Variants in PKHD1 observed in about 807,000 individuals in gnomAD.
PKHD1 encodes fibrocystin.
A neutral mutation model predicts 412.0 loss-of-function variants in PKHD1; 291 were observed. The observed-to-expected ratio is 0.71, with a 90% CI of 0.64 to 0.78. The LOEUF is 0.78. Among genes scored for constraint, PKHD1 ranks in the 30% least tolerant of loss-of-function variants. The pLI, the probability that PKHD1 is intolerant of heterozygous loss-of-function variation, is 0.00. For missense variants in PKHD1, 4,825 were observed against 4,950.7 expected, an observed-to-expected ratio of 0.97 and a Z score of 0.76; for synonymous variants, 1,777 against 1,821.5, an observed-to-expected ratio of 0.98 and a Z score of 0.62.
At position 51,856,317 on chromosome 6, in the gene PKHD1, C is replaced by T. The variant is rs541302462; in HGVS notation, c.7734-247G>A. ...CTGGTGAACTGGAGGTGGTGACTCTCAGGTTTTTTATTTTGTTTGTTTTTT... is the reference window on the plus strand; with the variant it reads ...CTGGTGAACTGGAGGTGGTGACTCTTAGGTTTTTTATTTTGTTTGTTTTTT... On this transcript the variant is annotated intron_variant, in intron 48 of 66. Transcript: ENST00000371117. 7.8e-4 allele frequency among the ~76,000 whole-genome samples: 118 copies of T among 152,232 alleles called. 1 individual carries two copies. In the South Asian group the frequency reaches 0.024, roughly 31 times the overall value.
At position 51,911,883 on chromosome 6, in the gene PKHD1, T is replaced by C. The variant is rs746902402; in HGVS notation, c.6406A>G (p.Ser2136Gly). ...TTTCCTTGTATGGTAATACTCCTGC[T>C]GAGCAGAGCCACAGTGGCCTTTAAA... ...HILKATVALL[S>G]RSITIQGNLT... Residue 2136 changes from serine to glycine, a missense_variant, in exon 39 of 67, where the codon AGC becomes GGC. By Grantham distance (56) the Ser-to-Gly change is moderately conservative. Transcript: ENST00000371117. 2 of 1,611,904 alleles carry C rather than the reference T, an allele frequency of 1.2e-6. No homozygotes were observed. Among genetic ancestry groups the C allele is most frequent in the South Asian group, 2.2e-5 (2 of 91,058 alleles).
intron 60 of PKHD1, among the ~76,000 whole-genome samples, chr6:51,686,688 T>C (rs1777487413): frequency 6.6e-6 from 1 of 152,204 alleles, no homozygotes. Flanking sequence ...AGAGCAGGGT[T>C]ATTTGTCTAG....
chr6:51,808,446 GAAATTA>G (rs1764180705), intron 52 of PKHD1, among the ~76,000 whole-genome samples: 1 of 151,818 alleles, frequency 6.6e-6, no homozygotes, highest in Admixed American at 6.6e-5. Context: ...TTAAAAAATT[GAAATTA>G]AAATTAAAAG....
At chr6:51,960,115 T>TAA in intron 35 of PKHD1, 89 bp from the exon 36 acceptor site, 1 of 1,290,780 alleles carries the variant, frequency 7.7e-7, no homozygotes, top group Non-Finnish European at 1.1e-6. Context: ...TGTTGGTTTG[T>TAA]TGGTTCATTC....
chr6:52,083,327 G>A (rs1480132114), intron 2 of PKHD1, 72 bp from the exon 3 acceptor site: 4 of 999,616 alleles, frequency 4.0e-6, no homozygotes, highest in Non-Finnish European at 6.4e-6. Context: ...AATATTTTAA[G>A]CAATATTTAA....
intron 28 of PKHD1, among the ~76,000 whole-genome samples, chr6:52,034,705 C>T (rs1803656440): frequency 6.6e-6 from 1 of 151,996 alleles, no homozygotes; most frequent in African/African-American, 2.4e-5. Context: ...TGATTAAAGC[C>T]CTGTTGTTTA....
intron 51 of PKHD1, among the ~76,000 whole-genome samples, chr6:51,834,672 T>C (rs1212470886): frequency 5.9e-5 from 9 of 152,276 alleles, no homozygotes; most frequent in African/African-American, 2.2e-4. Flanking sequence ...AGATACTACA[T>C]ACATGAGAAT....
At chr6:52,005,598 A>G (rs548777620) in intron 35 of PKHD1, among the ~76,000 whole-genome samples, 1 of 152,264 alleles carries the variant, frequency 6.6e-6, no homozygotes, top group East Asian at 1.9e-4. Context: ...GCCCCACCTG[A>G]AGATGACCTT....
At chr6:51,666,482 T>G (rs553348844) in intron 60 of PKHD1, among the ~76,000 whole-genome samples, 3 of 152,184 alleles carry the variant, frequency 2.0e-5, no homozygotes, top group African/African-American at 7.2e-5. Context: ...ATTTCATTGG[T>G]AGTTTAGAAG....
intron 35 of PKHD1, among the ~76,000 whole-genome samples, chr6:52,007,061 C>T (rs62406012): frequency 0.052 from 7,951 of 152,278 alleles, 284 homozygotes; most frequent in East Asian, 0.11. Context: ...ATTATATATA[C>T]ATACCATAAT....
chr6:51,800,696 G>A (rs886547994), intron 52 of PKHD1, among the ~76,000 whole-genome samples: 6 of 152,208 alleles, frequency 3.9e-5, no homozygotes, highest in African/African-American at 1.4e-4. Flanking sequence ...TGGGAATAAT[G>A]ATGGGGTCAC....
rs112124944 is a variant in PKHD1 at position 52,028,720 on chromosome 6, C to T, written c.3365-369G>A. Reference sequence around the variant, plus strand: ...AGAGACAGGGTTTTGACATGTTGCCCAAGCTGGTCTCAACCTCTTGGGCTC... The same window carrying T: ...AGAGACAGGGTTTTGACATGTTGCCTAAGCTGGTCTCAACCTCTTGGGCTC... On this transcript the variant is annotated intron_variant, in intron 29 of 66. Transcript: ENST00000371117. Among the ~76,000 whole-genome samples, 1,055 of 152,242 alleles carry T rather than the reference C, an allele frequency of 6.9e-3. 17 individuals are homozygous for T. The highest frequency in any genetic ancestry group is 0.023 in the African/African-American group (952 of 41,536).
At position 52,085,006 on chromosome 6, in the gene PKHD1, A is replaced by T. The variant is rs1812552184; in HGVS notation, c.-73T>A. On this transcript the variant is annotated 5_prime_UTR_variant, in exon 2 of 67. The change abolishes an upstream ATG in the 5' untranslated region. Coordinates refer to ENST00000371117, the MANE Select transcript of PKHD1 (RefSeq NM_138694.4). Reference sequence around the variant, plus strand: ...CATTTTCAGTTTTGATTGGAGCAGCATAGCTTTTGTGCTTTATAAAAACAA... The same window carrying T: ...CATTTTCAGTTTTGATTGGAGCAGCTTAGCTTTTGTGCTTTATAAAAACAA... 3.0e-6 allele frequency: 3 copies of T among 1,005,020 alleles called. No individual in the cohort carries two copies. In the South Asian group the frequency reaches 3.8e-5, roughly 13 times the overall value. 62.3% of individuals were successfully genotyped at this position (1,005,020 alleles called of 1,614,324 possible).
rs886042298 is a variant in PKHD1, at chr6:52,045,042, C to T, written c.2639G>A (p.Arg880His). ...AAAAACTCCACCATCATATACCACACGCGTGGCTGCAGCAGGATTCACTCC... is the reference window on the plus strand; with the variant it reads ...AAAAACTCCACCATCATATACCACATGCGTGGCTGCAGCAGGATTCACTCC... ...LTGVNPAAAT[R>H]VVYDGGVFLG... Residue 880 changes from arginine to histidine, a missense_variant, in exon 25 of 67, where the codon CGT becomes CAT. Transcript: ENST00000371117. The T allele has an allele frequency of 1.7e-5, 28 of 1,612,958 alleles. No individual in the cohort carries two copies. The highest frequency in any genetic ancestry group is 1.6e-4 in the Middle Eastern group (1 of 6,080).
intron 35 of PKHD1, among the ~76,000 whole-genome samples, chr6:51,979,081 A>G (rs1204108650): frequency 6.6e-6 from 1 of 152,176 alleles, no homozygotes; most frequent in African/African-American, 2.4e-5. Flanking sequence ...CTTAATCCCC[A>G]GCGTCCAATA....
Position 52,085,037 on chromosome 6 carries a change from G to GA in PKHD1, c.-84-21_-84-20insT. The GA allele has an allele frequency of 1.2e-6, 1 of 825,384 alleles. No individual in the cohort carries two copies. Among genetic ancestry groups the GA allele is most frequent in the Admixed American group, 1.9e-5 (1 of 53,170 alleles). 51.1% of individuals were successfully genotyped at this position (825,384 alleles called of 1,614,324 possible). ...TTTGTGCTTTATAAAAACAAAAAAA[G>GA]CAAAAAAAAATTATCATTTTGTTTA... On this transcript the variant is annotated intron_variant, in intron 1 of 66. Transcript: ENST00000371117.
intron 5 of PKHD1, among the ~76,000 whole-genome samples, chr6:52,078,810 G>A (rs1429485483): frequency 2.6e-5 from 4 of 152,204 alleles, no homozygotes; most frequent in Non-Finnish European, 4.4e-5. Flanking sequence ...ACAGGATAGA[G>A]GTGGTGGTGC....
chr6:51,909,079 G>A (rs868096730), intron 40 of PKHD1, among the ~76,000 whole-genome samples: 1 of 152,072 alleles, frequency 6.6e-6, no homozygotes. Context: ...GTTGGGGTAA[G>A]GTCTATAACT....
intron 12 of PKHD1, among the ~76,000 whole-genome samples, chr6:52,065,658 G>GA (rs1809589381): frequency 6.6e-6 from 1 of 152,222 alleles, no homozygotes; most frequent in Non-Finnish European, 1.5e-5. Context: ...AGAGTGAAGA[G>GA]AGGGGCTGTT....
Sources: gnomAD v4.1 joint callset for allele counts (sites outside exome capture counted in the v4.1 genomes callset) on GRCh38, gnomAD v4.1.1 for gene constraint, MANE v1.5 for transcripts, NCBI Gene and HGNC (gene_info 2026-07-23, HGNC 2026-07-21) for gene names.